The following ELOVL7 variants were observed in gnomAD, a reference collection of about 807,000 sequenced individuals.
ELOVL7 encodes the protein ELOVL fatty acid elongase 7.
ELOVL7 carries 27 observed loss-of-function variants against 35.7 expected under a neutral mutation model. The ratio of observed to expected loss-of-function variants is 0.76; its 90% confidence interval spans 0.56 to 1.04. ELOVL7 has a LOEUF of 1.04. ELOVL7 is among the 50% of genes least tolerant of loss of function. The pLI is 0.00. For missense variants in ELOVL7, 327 were observed against 340.8 expected (o/e 0.96, Z 0.32); for synonymous variants, 113 against 114.6 (o/e 0.99, Z 0.09).
At chr5:60,827,559 A>G (rs544076427) in intron 1 of ELOVL7, among the ~76,000 whole-genome samples, 4 of 152,302 alleles carry the variant, frequency 2.6e-5, no homozygotes, top group African/African-American at 9.6e-5. Flanking sequence ...AGTTGGGAGT[A>G]GGAAAGAAAT....
chr5:60,798,429 T>C (rs1744394624), intron 2 of ELOVL7, among the ~76,000 whole-genome samples: 1 of 152,174 alleles, frequency 6.6e-6, no homozygotes, highest in Admixed American at 6.5e-5. Flanking sequence ...CCAATTACCT[T>C]GATACTACAG....
intron 7 of ELOVL7, among the ~76,000 whole-genome samples, chr5:60,759,946 T>C (rs980841244): frequency 4.6e-5 from 7 of 152,228 alleles, no homozygotes; most frequent in African/African-American, 1.2e-4. Context: ...ATTTCATCCA[T>C]GTCCCTACAA....
rs920775839 is a variant in ELOVL7, at chr5:60,805,237, C to T, written c.-85-6007G>A. On this transcript the variant is annotated intron_variant, in intron 1 of 8. Transcript: ENST00000508821. ...TCTGAAGTATATGTTATAGGCCAAACACTTTTTTAGGTGACAATGATACAG... is the reference window on the plus strand; with the variant it reads ...TCTGAAGTATATGTTATAGGCCAAATACTTTTTTAGGTGACAATGATACAG... Among the ~76,000 whole-genome samples the T allele has an allele frequency of 3.3e-5, 5 of 152,312 alleles. No homozygotes were observed. The South Asian group carries it at 1.0e-3, about 32-fold the overall frequency.
At chr5:60,786,111 T>A (rs1743569047) in intron 3 of ELOVL7, 1 of 152,188 alleles carries the variant, frequency 6.6e-6, no homozygotes, top group South Asian at 2.1e-4. Context: ...AACTCAAATG[T>A]TAAATACCAG....
intron 5 of ELOVL7, 32 bp from the exon 6 acceptor site, chr5:60,766,662 T>C: frequency 6.3e-7 from 1 of 1,585,928 alleles, no homozygotes; most frequent in South Asian, 1.1e-5. Flanking sequence ...TAAATTTATT[T>C]TGTATATGGA....
At chr5:60,777,116 G>T (rs761810896) in intron 3 of ELOVL7, among the ~76,000 whole-genome samples, 2 of 151,852 alleles carry the variant, frequency 1.3e-5, no homozygotes, top group Admixed American at 6.6e-5. Flanking sequence ...GGGGGGTTGG[G>T]GGGGAGGTGG....
chr5:60,829,148 T>C (rs1033359115), intron 1 of ELOVL7, among the ~76,000 whole-genome samples: 1 of 149,420 alleles, frequency 6.7e-6, no homozygotes, highest in African/African-American at 2.4e-5. Context: ...GAAAGGTTTA[T>C]ATTTTATGTT....
chr5:60,780,033 G>A (rs1743141651), intron 3 of ELOVL7, among the ~76,000 whole-genome samples: 1 of 150,936 alleles, frequency 6.6e-6, no homozygotes, highest in Non-Finnish European at 1.5e-5. Flanking sequence ...GACCACCTCA[G>A]CCTGACCTTC....
intron 1 of ELOVL7, among the ~76,000 whole-genome samples, chr5:60,809,940 T>A (rs1039590653): frequency 2.6e-5 from 4 of 152,202 alleles, no homozygotes; most frequent in Non-Finnish European, 5.9e-5. Context: ...GAATGAATCT[T>A]GGTATGAATA....
At chr5:60,841,534 A>G (rs1265832048) in intron 1 of ELOVL7, among the ~76,000 whole-genome samples, 9 of 152,042 alleles carry the variant, frequency 5.9e-5, no homozygotes, top group Non-Finnish European at 1.3e-4. Context: ...TGCACAGCCA[A>G]TTCTTTCTTG....
At chr5:60,795,528 G>A (rs1315647780) in intron 2 of ELOVL7, among the ~76,000 whole-genome samples, 1 of 152,112 alleles carries the variant, frequency 6.6e-6, no homozygotes, top group African/African-American at 2.4e-5. Flanking sequence ...CCATTGTATG[G>A]GAGCTCTGTT....
intron 1 of ELOVL7, among the ~76,000 whole-genome samples, chr5:60,801,457 T>A (rs1181333277): frequency 6.6e-6 from 1 of 152,118 alleles, no homozygotes; most frequent in Non-Finnish European, 1.5e-5. Flanking sequence ...ATCCCAGCAC[T>A]TTGGGAGGCC....
intron 1 of ELOVL7, among the ~76,000 whole-genome samples, chr5:60,836,749 AAAG>A (rs1213237603): frequency 5.3e-5 from 8 of 152,144 alleles, no homozygotes; most frequent in Admixed American, 2.0e-4. Context: ...TTTGGGACAG[AAAG>A]AAGGAGAAGA....
chr5:60,810,554 C>T (rs1350656673), intron 1 of ELOVL7, among the ~76,000 whole-genome samples: 1 of 152,176 alleles, frequency 6.6e-6, no homozygotes, highest in Non-Finnish European at 1.5e-5. Flanking sequence ...CTAAATTATA[C>T]AAATATGCAA....
chr5:60,755,454 C>T (rs904461238), intron 8 of ELOVL7, among the ~76,000 whole-genome samples: 3 of 152,002 alleles, frequency 2.0e-5, no homozygotes, highest in South Asian at 2.1e-4. Context: ...GTTAGGAGTT[C>T]GAGACCAGCC....
chr5:60,821,272 A>T (rs1412044742), intron 1 of ELOVL7, among the ~76,000 whole-genome samples: 1 of 152,206 alleles, frequency 6.6e-6, no homozygotes, highest in African/African-American at 2.4e-5. Context: ...TAGCAGAGCA[A>T]AACTGTCCCT....
At chr5:60,778,093 C>T (rs948941024) in intron 3 of ELOVL7, among the ~76,000 whole-genome samples, 1 of 152,216 alleles carries the variant, frequency 6.6e-6, no homozygotes, top group African/African-American at 2.4e-5. Context: ...CCCAGGTACA[C>T]ATCACTGAAA....
At chr5:60,813,394 G>A (rs1408122876) in intron 1 of ELOVL7, among the ~76,000 whole-genome samples, 1 of 152,082 alleles carries the variant, frequency 6.6e-6, no homozygotes, top group African/African-American at 2.4e-5. Flanking sequence ...TACGCTTAGG[G>A]TTAATCTTAT....
intron 5 of ELOVL7, 29 bp from the exon 6 acceptor site, chr5:60,766,659 A>G: frequency 1.3e-6 from 2 of 1,587,880 alleles, no homozygotes; most frequent in Non-Finnish European, 1.7e-6. Flanking sequence ...ATCTAAATTT[A>G]TTTTGTATAT....
Sources: gnomAD v4.1 joint callset for allele counts (sites outside exome capture counted in the v4.1 genomes callset) on GRCh38, gnomAD v4.1.1 for gene constraint, MANE v1.5 for transcripts, NCBI Gene and HGNC (gene_info 2026-07-23, HGNC 2026-07-21) for gene names.